Variants in MCF2 observed in about 807,000 individuals in gnomAD.
MCF2 encodes the protein MCF.2 cell line derived transforming sequence, also known as proto-oncogene DBL.
A neutral mutation model predicts 82.5 loss-of-function variants in MCF2; 44 were observed. The ratio of observed to expected loss-of-function variants is 0.53; its 90% CI spans 0.42 to 0.69. MCF2 has a LOEUF of 0.69. Ranked by LOEUF, MCF2 falls within the 30% of genes least tolerant of loss-of-function variation. MCF2 has a pLI of 0.00. For missense variants in MCF2, 623 were observed against 663.1 expected (o/e 0.94, Z 0.66); for synonymous variants, 217 against 224.9 (o/e 0.96, Z 0.32).
chrX:139,602,266 G>T (rs1335990695), intron 16 of MCF2, 140 bp downstream of exon 20: 4 of 490,712 alleles, frequency 8.2e-6, no homozygotes, highest in Non-Finnish European at 1.1e-5. Context: ...TGTGTGTTGG[G>T]GGGGAGGGTG....
rs747728284 is a variant in MCF2 at position 139,672,464 on chromosome X, CTCT to C, written c.-44-20679_-44-20677del. Among the ~76,000 whole-genome samples, 28 of 112,253 alleles carry C rather than the reference CTCT, an allele frequency of 2.5e-4. No homozygotes were observed. In the East Asian group the frequency reaches 6.7e-3, roughly 27 times the overall value. ...TTGGCTGTGGGTTTATCAAAAATAG[CTCT>C]TATTATTTTGAGATACATTCCATCA... On this transcript the variant is annotated intron_variant, in intron 1 of 27. Transcript: ENST00000414978.
intron 1 of MCF2, among the ~76,000 whole-genome samples, chrX:139,693,871 T>TA (rs918006531): frequency 8.9e-6 from 1 of 112,398 alleles, no homozygotes; most frequent in African/African-American, 3.2e-5. Flanking sequence ...TAGCATAATT[T>TA]AAAAATGAGA....
At chrX:139,588,753 C>T (rs1029594810) in intron 20 of MCF2, among the ~76,000 whole-genome samples, 16 of 106,984 alleles carry the variant, frequency 1.5e-4, no homozygotes, top group Non-Finnish European at 2.7e-4. Context: ...TCTACTACTA[C>T]TACTACTACT....
chrX:139,642,797 T>C, exon 1 of MCF2: 3 of 998,562 alleles, frequency 3.0e-6, no homozygotes, highest in Non-Finnish European at 3.8e-6. Context: ...TTGAACCTTG[T>C]GGATTAGCTT....
intron 1 of MCF2, among the ~76,000 whole-genome samples, chrX:139,638,054 T>C (rs1211209480): frequency 9.0e-6 from 1 of 111,565 alleles, no homozygotes; most frequent in South Asian, 3.8e-4. Context: ...TTAGCCCAGT[T>C]GGGTAATCTT....
intron 1 of MCF2, among the ~76,000 whole-genome samples, chrX:139,659,113 C>T (rs1934284083): frequency 9.0e-6 from 1 of 110,581 alleles, no homozygotes; most frequent in Non-Finnish European, 1.9e-5. Context: ...CATGGTGAAA[C>T]CCTGTCGCTG....
chrX:139,617,440 T>C (rs746856472), intron 8 of MCF2, 73 bp downstream of exon 11: 1 of 804,576 alleles, frequency 1.2e-6, no homozygotes, highest in East Asian at 3.5e-5. Flanking sequence ...GAGGGCAAGG[T>C]GCTTCAGGCT....
exon 2 of MCF2, chrX:139,651,724 C>A (rs1355956041): frequency 8.7e-7 from 1 of 1,154,826 alleles, no homozygotes. Context: ...GCTTACCAGA[C>A]AAGAAGGCGA....
At position 139,637,180 on chromosome X, in the gene MCF2, A is replaced by G. The variant is rs191935687; in HGVS notation, c.52-4726T>C. On this transcript the variant is annotated intron_variant, in intron 1 of 24. Transcript: ENST00000370576. ...TAGAGCACATGGATTCTGTTAACCC[A>G]ATAGTTACTCCCAATTTTAGTAGCC... 4.0e-4 allele frequency among the ~76,000 whole-genome samples: 45 copies of G among 112,143 alleles called. No homozygotes were observed. The Middle Eastern group carries it at 0.014, about 35-fold the overall frequency.
chrX:139,640,474 G>C (rs1230470575), intron 1 of MCF2, among the ~76,000 whole-genome samples: 1 of 111,596 alleles, frequency 9.0e-6, no homozygotes, highest in Non-Finnish European at 1.9e-5. Flanking sequence ...ATAGCCCAAA[G>C]CAATACTCCT....
chrX:139,693,483 A>AACACACACAC (rs67506907), intron 1 of MCF2, among the ~76,000 whole-genome samples: 1 of 98,435 alleles, frequency 1.0e-5, no homozygotes, highest in African/African-American at 3.7e-5. Flanking sequence ...GTAGGGGAGG[A>AACACACACAC]ACACACACAC....
chrX:139,652,503 A>G (rs944960656), intron 1 of MCF2, among the ~76,000 whole-genome samples: 2 of 111,869 alleles, frequency 1.8e-5, no homozygotes, highest in Non-Finnish European at 3.8e-5. Context: ...TTATCATTAC[A>G]GATGGAACAA....
intron 16 of MCF2, among the ~76,000 whole-genome samples, chrX:139,601,387 T>A (rs1930545501): frequency 9.0e-6 from 1 of 111,461 alleles, no homozygotes; most frequent in African/African-American, 3.3e-5. Context: ...GGAACAACAA[T>A]TAAAATGGCA....
At chrX:139,615,790 C>T (rs1931851419) in intron 9 of MCF2, among the ~76,000 whole-genome samples, 2 of 111,889 alleles carry the variant, frequency 1.8e-5, no homozygotes, top group South Asian at 7.4e-4. Context: ...TATAGCTGTC[C>T]ACCCTGTTAA....
At chrX:139,630,420 C>T (rs1428005685) in intron 3 of MCF2, among the ~76,000 whole-genome samples, 4 of 111,380 alleles carry the variant, frequency 3.6e-5, no homozygotes, top group East Asian at 2.8e-4. Context: ...ATGGTAAGTA[C>T]GGTTTTGTTG....
chrX:139,671,836 T>C (rs1268622833), intron 1 of MCF2, among the ~76,000 whole-genome samples: 2 of 111,976 alleles, frequency 1.8e-5, no homozygotes, highest in African/African-American at 6.5e-5. Flanking sequence ...AGTAGTTTTT[T>C]CCAATTCTGT....
chrX:139,698,765 ATGT>A (rs1049035478), intron 1 of MCF2, among the ~76,000 whole-genome samples: 2 of 112,192 alleles, frequency 1.8e-5, no homozygotes, highest in Admixed American at 1.9e-4. Flanking sequence ...TATGTAAGAC[ATGT>A]TGTTTAGTTC....
In MCF2 at chrX:139,586,495, A is replaced by G. The variant is rs1450084860; in HGVS notation, c.2523-8T>C. The G allele has an allele frequency of 8.9e-7, 1 of 1,129,195 alleles. No homozygotes were observed. The highest frequency in any genetic ancestry group is 2.2e-5 in the Admixed American group (1 of 45,594). The allele number at this position is 1,129,195 out of a possible 1,213,427, so 93.1% of individuals were successfully genotyped here. ...AAAGCTCCCTGTTGCTTTCTGAAAT[A>G]GTGATGTATAAAACTAAGTGAGCTT... On this transcript the variant is annotated splice_region_variant and splice_polypyrimidine_tract_variant and intron_variant, in intron 22 of 24. Coordinates refer to ENST00000370576, the Ensembl canonical transcript of MCF2.
intron 21 of MCF2, 129 bp from the exon 26 acceptor site, chrX:139,587,917 T>G (rs1251077112): frequency 2.7e-5 from 12 of 437,699 alleles, no homozygotes; most frequent in Non-Finnish European, 4.3e-5. Flanking sequence ...AGACTTAAGC[T>G]TCACAGACTT....
Sources: gnomAD v4.1 joint callset for allele counts (sites outside exome capture counted in the v4.1 genomes callset) on GRCh38, gnomAD v4.1.1 for gene constraint, MANE v1.5 for transcripts, NCBI Gene and HGNC (gene_info 2026-07-23, HGNC 2026-07-21) for gene names.